Variants in CCSER1 observed in about 807,000 individuals in gnomAD.
CCSER1 encodes the protein coiled-coil serine rich protein 1.
Under a neutral mutation model 82.0 loss-of-function variants are expected in CCSER1, and 41 were observed. The observed-to-expected ratio is 0.50, with a 90% CI of 0.39 to 0.65. CCSER1 has a LOEUF of 0.65. Among genes scored for constraint, CCSER1 ranks in the 30% least tolerant of loss-of-function variants. The probability of loss-of-function intolerance (pLI) is 0.00; values close to 1 mark genes in which losing one functional copy is unlikely to be tolerated. For missense variants in CCSER1, 1,119 were observed against 1,064.2 expected (o/e 1.05, Z -0.72); for synonymous variants, 414 against 383.9 (o/e 1.08, Z -0.92).
intron 10 of CCSER1, among the ~76,000 whole-genome samples, chr4:91,520,567 A>G (rs1760403899): frequency 6.6e-6 from 1 of 152,202 alleles, no homozygotes; most frequent in African/African-American, 2.4e-5. Context: ...AAGCAAAAAC[A>G]CATTTTTTAC....
intron 10 of CCSER1, among the ~76,000 whole-genome samples, chr4:91,538,973 G>A (rs182888283): frequency 6.6e-6 from 1 of 151,816 alleles, no homozygotes; most frequent in African/African-American, 2.4e-5. Flanking sequence ...ATTTACCCTT[G>A]TTCTGTCAGC....
At chr4:91,471,951 C>T (rs1193610842) in intron 10 of CCSER1, among the ~76,000 whole-genome samples, 1 of 113,824 alleles carries the variant, frequency 8.8e-6, no homozygotes, top group African/African-American at 3.5e-5. Flanking sequence ...GTCTGGGCGA[C>T]AGAGCGACAC....
chr4:91,432,072 T>C (rs578098330), intron 10 of CCSER1, among the ~76,000 whole-genome samples: 1 of 152,132 alleles, frequency 6.6e-6, no homozygotes, highest in East Asian at 1.9e-4. Context: ...AGTGAGGGAG[T>C]TCTGGTGAGA....
At chr4:90,358,421 A>T (rs1744727478) in intron 3 of CCSER1, among the ~76,000 whole-genome samples, 1 of 152,126 alleles carries the variant, frequency 6.6e-6, no homozygotes, top group Non-Finnish European at 1.5e-5. Context: ...TTCAAACCTG[A>T]TAGTAGTATT....
intron 9 of CCSER1, among the ~76,000 whole-genome samples, chr4:91,037,630 C>A (rs1461603): frequency 6.6e-6 from 1 of 151,994 alleles, no homozygotes; most frequent in African/African-American, 2.4e-5. Context: ...CTTATTTTAA[C>A]CTATTTCAAC....
At chr4:90,361,523 T>C (rs1172714143) in intron 3 of CCSER1, among the ~76,000 whole-genome samples, 1 of 152,184 alleles carries the variant, frequency 6.6e-6, no homozygotes, top group East Asian at 1.9e-4. Flanking sequence ...TTATTTTGGG[T>C]TCGGGGGTAT....
In CCSER1 at chr4:90,766,066, A is replaced by G. The variant is rs142449658; in HGVS notation, c.2010+42075A>G. ...AAAAAGGGAAAATGTGTGTGTGTGT[A>G]TGTGTCTGTGTGTGTGTCTGTAATT... On this transcript the variant is annotated intron_variant, in intron 7 of 10. Transcript: ENST00000509176. Among the ~76,000 whole-genome samples the G allele has an allele frequency of 1.7e-3, 252 of 152,008 alleles. 1 individual carries two copies. The highest frequency in any genetic ancestry group is 5.9e-3 in the African/African-American group (244 of 41,500).
intron 3 of CCSER1, among the ~76,000 whole-genome samples, chr4:90,324,287 C>G (rs1002441175): frequency 2.9e-4 from 44 of 152,046 alleles, no homozygotes; most frequent in Admixed American, 2.3e-3. Context: ...GTCCCACCAA[C>G]AGTGTCAAAG....
intron 9 of CCSER1, among the ~76,000 whole-genome samples, chr4:91,070,114 A>G (rs1167194944): frequency 2.0e-5 from 3 of 151,586 alleles, no homozygotes; most frequent in African/African-American, 7.3e-5. Flanking sequence ...CCTCCCAAGT[A>G]GCTGGGATTA....
intron 9 of CCSER1, among the ~76,000 whole-genome samples, chr4:90,927,063 AAATAT>A (rs1162094896): frequency 6.6e-6 from 1 of 152,056 alleles, no homozygotes; most frequent in African/African-American, 2.4e-5. Context: ...TGCATAATCA[AAATAT>A]TCTAAAGATC....
intron 8 of CCSER1, among the ~76,000 whole-genome samples, chr4:90,830,378 A>G (rs1760982261): frequency 1.3e-5 from 2 of 152,176 alleles, no homozygotes; most frequent in African/African-American, 2.4e-5. Flanking sequence ...TATGCAAATT[A>G]AATTTTACTA....
intron 8 of CCSER1, among the ~76,000 whole-genome samples, chr4:90,850,484 A>G (rs1311289073): frequency 6.6e-6 from 1 of 152,216 alleles, no homozygotes; most frequent in Non-Finnish European, 1.5e-5. Context: ...GGAGCTGCCC[A>G]AGGCCATGGG....
rs1299345333 is a variant in CCSER1 at position 91,603,275 on chromosome 4, C to T, written c.*4218C>T. The stretch of plus-strand genomic sequence containing the variant: ...AAATGTTTATTTTTGAAATTTTGTT[C>T]TGTGCCAACTTGTTTCACCATGTTA... On this transcript the variant is annotated 3_prime_UTR_variant, in exon 11 of 11. Coordinates refer to ENST00000509176, the MANE Select transcript of CCSER1 (RefSeq NM_001145065.2). 1 of 152,018 alleles carries T rather than the reference C, an allele frequency of 6.6e-6. No individual in the cohort carries two copies. Among genetic ancestry groups the T allele is most frequent in the African/African-American group, 2.4e-5 (1 of 41,396 alleles). 9.4% of individuals were successfully genotyped at this position (152,018 alleles called of 1,614,324 possible).
intron 8 of CCSER1, among the ~76,000 whole-genome samples, chr4:90,836,843 G>T (rs1761867023): frequency 6.6e-6 from 1 of 152,198 alleles, no homozygotes; most frequent in African/African-American, 2.4e-5. Context: ...CTGTTCCCTG[G>T]TCTAGACCAT....
At chr4:90,748,677 TC>T (rs1472771559) in intron 7 of CCSER1, among the ~76,000 whole-genome samples, 1 of 146,200 alleles carries the variant, frequency 6.8e-6, no homozygotes, top group Non-Finnish European at 1.5e-5. Context: ...TTCCTATTTC[TC>T]CACATCCTCT....
At chr4:91,408,771 A>G (rs1302491294) in intron 10 of CCSER1, among the ~76,000 whole-genome samples, 1 of 152,242 alleles carries the variant, frequency 6.6e-6, no homozygotes, top group Admixed American at 6.5e-5. Flanking sequence ...AAAATGTTAT[A>G]TATCACAATG....
intron 9 of CCSER1, among the ~76,000 whole-genome samples, chr4:91,033,983 CCACCAT>C (rs761033283): frequency 6.6e-6 from 1 of 152,072 alleles, no homozygotes; most frequent in Admixed American, 6.6e-5. Flanking sequence ...CTCAATTGTC[CCACCAT>C]CAAAGAGGAA....
chr4:90,385,512 T>C (rs1749894827), intron 3 of CCSER1, among the ~76,000 whole-genome samples: 1 of 149,378 alleles, frequency 6.7e-6, no homozygotes, highest in East Asian at 2.0e-4. Context: ...CAGGCTGGAG[T>C]GCAGTGGCGC....
chr4:91,598,796 T>G lies in CCSER1; in HGVS notation c.2442T>G (p.Thr814=). The G allele has an allele frequency of 6.4e-7, 1 of 1,551,608 alleles. No homozygotes were observed. Among genetic ancestry groups the G allele is most frequent in the South Asian group, 1.2e-5 (1 of 84,064 alleles). ...CAAGAGGAACTTATGAAACCCTCACTTCAGACGTTACACAGAACTTACGGG... is the reference window on the plus strand; with the variant it reads ...CAAGAGGAACTTATGAAACCCTCACGTCAGACGTTACACAGAACTTACGGG... The part of the protein sequence containing the change: ...KHSRGTYETL[T]SDVTQNLRAT... The change falls in exon 11 of 11, where the codon ACT becomes ACG. Residue 814 remains threonine (T), a synonymous_variant. Transcript: ENST00000509176.
Sources: gnomAD v4.1 joint callset for allele counts (sites outside exome capture counted in the v4.1 genomes callset) on GRCh38, gnomAD v4.1.1 for gene constraint, MANE v1.5 for transcripts, NCBI Gene and HGNC (gene_info 2026-07-23, HGNC 2026-07-21) for gene names.